LONRF2: variants seen among roughly 807,000 people sequenced by gnomAD.
LONRF2 encodes the protein LON peptidase N-terminal domain and RING finger protein 2.
LONRF2 carries 35 observed loss-of-function variants against 66.6 expected under a neutral mutation model. The observed-to-expected ratio is 0.53, with a 90% CI of 0.40 to 0.70. The LOEUF is 0.70. Among genes scored for constraint, LONRF2 ranks in the 30% least tolerant of loss-of-function variants. The pLI is 0.00. For synonymous variants in LONRF2, 417 were observed against 418.1 expected (o/e 1.00, Z 0.03); for missense variants, 902 against 1,002.1 (o/e 0.90, Z 1.35).
Position 100,300,020 on chromosome 2 carries a change from G to GGA in LONRF2, c.1066-103_1066-102insTC, listed in dbSNP as rs1553540615. On this transcript the variant is annotated intron_variant, in intron 4 of 11. Transcript: ENST00000393437. The stretch of plus-strand genomic sequence containing the variant: ...TACTAGAAATCTTTGGAAAAAAAAA[G>GGA]GGGGGGGCATACACTCTTCTTCATA... 30 of 461,910 alleles carry GGA rather than the reference G, an allele frequency of 6.5e-5. 2 individuals carry two copies. Among genetic ancestry groups the GGA allele is most frequent in the African/African-American group, 1.3e-4 (2 of 15,788 alleles). The allele number at this position is 461,910 out of a possible 1,614,324, so 28.6% of individuals were successfully genotyped here. A position where few individuals can be genotyped will look rare whatever the true frequency, so the allele number is the denominator to read the frequency against.
intron 10 of LONRF2, among the ~76,000 whole-genome samples, chr2:100,287,646 G>A (rs184965294): frequency 6.6e-6 from 1 of 152,360 alleles, no homozygotes; most frequent in East Asian, 1.9e-4. Context: ...ACTCCAGCTT[G>A]TGGTCGGCCA....
chr2:100,299,969 T>G, intron 4 of LONRF2, 51 bp from the exon 5 acceptor site: 1 of 1,010,928 alleles, frequency 9.9e-7, no homozygotes. Flanking sequence ...AATCATAGCA[T>G]AAGAGAAAAA....
intron 2 of LONRF2, among the ~76,000 whole-genome samples, chr2:100,304,864 C>G (rs1345800360): frequency 6.8e-6 from 1 of 147,260 alleles, no homozygotes; most frequent in Non-Finnish European, 1.5e-5. Context: ...AACTCCTGAC[C>G]TTGTGATCCA....
chr2:100,290,703 G>A (rs1223846847), intron 9 of LONRF2, among the ~76,000 whole-genome samples: 1 of 152,184 alleles, frequency 6.6e-6, no homozygotes, highest in Non-Finnish European at 1.5e-5. Context: ...GGACCCGAGA[G>A]ATGGGAAGAG....
chr2:100,275,825 A>C lies in LONRF2; in HGVS notation c.*8473T>G, dbSNP rs923871531. The stretch of plus-strand genomic sequence containing the variant: ...CTCCTTCCAACTAAATTGCCACAAA[A>C]TCAGAAAAAAAGGAAAAAGCGAGAA... On this transcript the variant is annotated 3_prime_UTR_variant, in exon 12 of 12. Coordinates refer to ENST00000393437, the MANE Select transcript of LONRF2 (RefSeq NM_198461.4). 6.6e-6 allele frequency: 1 copy of C among 152,180 alleles called. No individual in the cohort carries two copies. Among genetic ancestry groups the C allele is most frequent in the African/African-American group, 2.4e-5 (1 of 41,418 alleles). The allele number at this position is 152,180 out of a possible 1,614,324, so 9.4% of individuals were successfully genotyped here.
Position 100,321,636 on chromosome 2 carries a change from G to C in LONRF2, c.458C>G (p.Pro153Arg). The change falls in exon 1 of 12, where the codon CCG becomes CGG. Residue 153 changes from proline (P) to arginine (R), a missense_variant. Physicochemically the swap from Pro to Arg is moderately radical, Grantham distance 103 (BLOSUM62 -2). Transcript: ENST00000393437. ...TGTGAGCCCGCAGGGCAGCGTCACC[G>C]GCTTATGCAGCAGCCGCCGGCAGCG... ...CPRCRRLLHK[P>R]VTLPCGLTVC... is the part of the protein sequence containing the mutation. 1 of 1,444,600 alleles carries C rather than the reference G, an allele frequency of 6.9e-7. No homozygotes were observed. Among genetic ancestry groups the C allele is most frequent in the Non-Finnish European group, 9.1e-7 (1 of 1,102,696 alleles). 89.5% of individuals were successfully genotyped at this position (1,444,600 alleles called of 1,614,324 possible).
At chr2:100,299,382 A>G in intron 5 of LONRF2, 63 bp from the exon 6 acceptor site, 1 of 982,968 alleles carries the variant, frequency 1.0e-6, no homozygotes, top group Non-Finnish European at 1.5e-6. Flanking sequence ...ACAGCATGCA[A>G]GAAATGTATT....
chr2:100,302,962 G>A lies in LONRF2; in HGVS notation c.880C>T (p.Leu294=), dbSNP rs987777326. ...VLKEFLYCLA[L]NPECNSVKKE... Reference sequence around the variant, plus strand: ...TTCACAGAGTTACATTCAGGATTCAGAGCAAGGCAGTAGAGAAATTCCTTT... The same window carrying A: ...TTCACAGAGTTACATTCAGGATTCAAAGCAAGGCAGTAGAGAAATTCCTTT... The change falls in exon 3 of 12, where the codon CTG becomes TTG. Residue 294 remains leucine (L), a synonymous_variant. Coordinates refer to ENST00000393437, the MANE Select transcript of LONRF2 (RefSeq NM_198461.4). 5.6e-6 allele frequency: 9 copies of A among 1,611,594 alleles called. No homozygotes were observed. The African/African-American group carries it at 1.1e-4, about 19-fold the overall frequency.
In LONRF2 at chr2:100,322,070, C is replaced by T; in HGVS notation, c.24G>A (p.Pro8=). Residue 8 remains proline (P), a synonymous_variant, in exon 1 of 12, where the codon CCG becomes CCA. Coordinates refer to ENST00000393437, the MANE Select transcript of LONRF2 (RefSeq NM_198461.4). MSPEPVP[P]PPPPQCPGCD... Reference sequence around the variant, plus strand: ...AGCCAGGACACTGGGGCGGCGGCGGCGGCGGGACCGGCTCGGGGCTCATCA... The same window carrying T: ...AGCCAGGACACTGGGGCGGCGGCGGTGGCGGGACCGGCTCGGGGCTCATCA... The T allele has an allele frequency of 7.7e-6, 10 of 1,302,124 alleles. No homozygotes were observed. The highest frequency in any genetic ancestry group is 8.8e-6 in the Non-Finnish European group (9 of 1,026,472). The allele number at this position is 1,302,124 out of a possible 1,614,324, so 80.7% of individuals were successfully genotyped here.
intron 9 of LONRF2, 34 bp downstream of exon 9, chr2:100,294,195 A>G: frequency 6.2e-7 from 1 of 1,600,480 alleles, no homozygotes; most frequent in Non-Finnish European, 8.5e-7. Flanking sequence ...GCCCTTCATT[A>G]GGACCCTTTG....
Position 100,290,423 on chromosome 2 carries a change from G to A in LONRF2, c.1758-3C>T, listed in dbSNP as rs1674935754. 2 of 1,604,492 alleles carry A rather than the reference G, an allele frequency of 1.2e-6. No homozygotes were observed. The highest frequency in any genetic ancestry group is 1.3e-5 in the African/African-American group (1 of 74,424). On this transcript the variant is annotated splice_polypyrimidine_tract_variant and splice_region_variant and intron_variant, in intron 9 of 11. Coordinates refer to ENST00000393437, the MANE Select transcript of LONRF2 (RefSeq NM_198461.4). ...GCATGCATCCATACTCTGAAAGCCT[G>A]AAAAGACAGTTAGGAGAAATGACTG... is the stretch of plus-strand genomic sequence containing the variant.
intron 9 of LONRF2, among the ~76,000 whole-genome samples, chr2:100,292,236 G>A (rs1178281185): frequency 2.0e-5 from 3 of 152,168 alleles, no homozygotes; most frequent in East Asian, 3.9e-4. Flanking sequence ...GAGGCCTCCA[G>A]ACAAATGTCA....
At chr2:100,299,974 GA>G in intron 4 of LONRF2, 56 bp from the exon 5 acceptor site, 4 of 830,474 alleles carry the variant, frequency 4.8e-6, no homozygotes, top group Non-Finnish European at 5.2e-6. Context: ...TAGCATAAGA[GA>G]AAAAGAATGC....
chr2:100,275,307 C>T lies in LONRF2; in HGVS notation c.*8991G>A, dbSNP rs148881819. ...TGGTCTCAGGGCAATGACGGTAGCT[C>T]CCTCCACAAGGAGCAAGGAACGGCT... On this transcript the variant is annotated 3_prime_UTR_variant, in exon 12 of 12. Transcript: ENST00000393437. 15 of 152,368 alleles carry T rather than the reference C, an allele frequency of 9.8e-5. No individual in the cohort carries two copies. The highest frequency in any genetic ancestry group is 6.5e-4 in the Admixed American group (10 of 15,304). 9.4% of individuals were successfully genotyped at this position (152,368 alleles called of 1,614,324 possible). A position where few individuals can be genotyped will look rare whatever the true frequency, so the allele number is the denominator to read the frequency against.
At position 100,284,136 on chromosome 2, in the gene LONRF2, C is replaced by G. The variant is rs1674795763; in HGVS notation, c.*162G>C. 1.5e-6 allele frequency: 1 copy of G among 646,752 alleles called. No homozygotes were observed. The highest frequency in any genetic ancestry group is 2.6e-6 in the Non-Finnish European group (1 of 383,054). The allele number at this position is 646,752 out of a possible 1,614,324, so 40.1% of individuals were successfully genotyped here. ...ACACAAGGTCAGATCCCACCAGACA[C>G]AGAATTGTCATTTTTGAGGAGGACT... is the stretch of plus-strand genomic sequence containing the variant. On this transcript the variant is annotated 3_prime_UTR_variant, in exon 12 of 12. Coordinates refer to ENST00000393437, the MANE Select transcript of LONRF2 (RefSeq NM_198461.4).
rs369618771 is a variant in LONRF2 at position 100,284,255 on chromosome 2, A to C, written c.*43T>G. On this transcript the variant is annotated 3_prime_UTR_variant, in exon 12 of 12. Transcript: ENST00000393437. ...GGCTATTCGTCCATGCCTGACATTT[A>C]TAAAAGCACAAGGGCTGCCAGAAAC... 9.7e-6 allele frequency: 14 copies of C among 1,449,452 alleles called. No homozygotes were observed. In the African/African-American group the frequency reaches 2.0e-4, roughly 21 times the overall value. The allele number at this position is 1,449,452 out of a possible 1,614,324, so 89.8% of individuals were successfully genotyped here. A position where few individuals can be genotyped will look rare whatever the true frequency, so the allele number is the denominator to read the frequency against.
chr2:100,295,657 G>A (rs1379257811), intron 7 of LONRF2, 104 bp from the exon 8 acceptor site: 3 of 1,198,792 alleles, frequency 2.5e-6, no homozygotes, highest in Non-Finnish European at 3.5e-6. Flanking sequence ...GGATCTCTGA[G>A]CAGGTAAGAA....
At chr2:100,316,433 T>TG (rs1203434188) in intron 1 of LONRF2, among the ~76,000 whole-genome samples, 1 of 145,850 alleles carries the variant, frequency 6.9e-6, no homozygotes, top group Non-Finnish European at 1.5e-5. Context: ...TGATTCATTT[T>TG]ACCCATCATT....
chr2:100,321,534 A>G lies in LONRF2; in HGVS notation c.560T>C (p.Leu187Pro). Reference protein sequence around the residue: ...RRVNVVLSGLLEKCFPAECRL... With the variant: ...RRVNVVLSGLPEKCFPAECRL... ...GCACTCGGCCGGGAAGCACTTCTCC[A>G]GCAGGCCGCTCAGCACCACGTTCAC... The change falls in exon 1 of 12, where the codon CTG becomes CCG. Residue 187 changes from leucine to proline, a missense_variant. Leu to Pro is a moderately conservative substitution (Grantham distance 98). Coordinates refer to ENST00000393437, the MANE Select transcript of LONRF2 (RefSeq NM_198461.4). The G allele has an allele frequency of 6.4e-7, 1 of 1,552,412 alleles. No homozygotes were observed. The highest frequency in any genetic ancestry group is 8.6e-7 in the Non-Finnish European group (1 of 1,161,200).
Sources: gnomAD v4.1 joint callset for allele counts (sites outside exome capture counted in the v4.1 genomes callset) on GRCh38, gnomAD v4.1.1 for gene constraint, MANE v1.5 for transcripts, NCBI Gene and HGNC (gene_info 2026-07-23, HGNC 2026-07-21) for gene names.